The following EPHB1 variants were observed in gnomAD, a reference collection of about 807,000 sequenced individuals.
The protein encoded by EPHB1 is ephrin type-B receptor 1.
Under a neutral mutation model 94.4 loss-of-function variants are expected in EPHB1, and 30 were observed. The ratio of observed to expected loss-of-function variants is 0.32; its 90% CI spans 0.24 to 0.43. The LOEUF (loss-of-function observed/expected upper bound fraction) is 0.43, where lower values mean the gene tolerates loss of function less well. Among genes scored for constraint, EPHB1 ranks in the 20% least tolerant of loss-of-function variants. The probability of loss-of-function intolerance (pLI) is 1.00; values close to 1 mark genes in which losing one functional copy is unlikely to be tolerated. For missense variants in EPHB1, 1,055 were observed against 1,308.3 expected (o/e 0.81, Z 2.99); for synonymous variants, 522 against 489.1 (o/e 1.07, Z -0.89).
intron 5 of EPHB1, among the ~76,000 whole-genome samples, chr3:135,133,943 A>T (rs1261142912): frequency 6.6e-6 from 1 of 152,246 alleles, no homozygotes; most frequent in African/African-American, 2.4e-5. Flanking sequence ...GGATGCAGTG[A>T]TACTTGGACA....
At chr3:135,051,093 A>T (rs1937156799) in intron 3 of EPHB1, among the ~76,000 whole-genome samples, 1 of 152,200 alleles carries the variant, frequency 6.6e-6, no homozygotes, top group Admixed American at 6.5e-5. Context: ...TCCTTATGGC[A>T]ACACAAGCAA....
chr3:134,936,379 A>G (rs1195736957), intron 2 of EPHB1, among the ~76,000 whole-genome samples: 1 of 152,170 alleles, frequency 6.6e-6, no homozygotes, highest in South Asian at 2.1e-4. Context: ...CCTCAAGAGA[A>G]TACAGGTGGT....
At chr3:134,839,279 T>C (rs530680496) in intron 1 of EPHB1, among the ~76,000 whole-genome samples, 1 of 152,256 alleles carries the variant, frequency 6.6e-6, no homozygotes, top group South Asian at 2.1e-4. Flanking sequence ...AGCAGACACA[T>C]CCCTGCCCCT....
At chr3:134,871,728 G>A (rs1211713517) in intron 1 of EPHB1, among the ~76,000 whole-genome samples, 2 of 152,110 alleles carry the variant, frequency 1.3e-5, no homozygotes, top group Non-Finnish European at 2.9e-5. Flanking sequence ...CTGCAAACAC[G>A]TAGCACCCCT....
chr3:134,815,324 A>C (rs1432278304), intron 1 of EPHB1, among the ~76,000 whole-genome samples: 1 of 152,194 alleles, frequency 6.6e-6, no homozygotes, highest in Non-Finnish European at 1.5e-5. Context: ...GCCATGATGT[A>C]TGCTACCTGC....
intron 3 of EPHB1, among the ~76,000 whole-genome samples, chr3:135,075,643 G>A (rs941047191): frequency 1.3e-5 from 2 of 152,142 alleles, no homozygotes; most frequent in Non-Finnish European, 2.9e-5. Context: ...GGCTTATATG[G>A]CATCATCCAC....
chr3:135,052,402 G>GA (rs1000827378), intron 3 of EPHB1, among the ~76,000 whole-genome samples: 4 of 152,086 alleles, frequency 2.6e-5, no homozygotes, highest in Non-Finnish European at 4.4e-5. Context: ...GCTGGTTAGA[G>GA]AAAGAGAAAA....
rs372305480 is a variant in EPHB1, at chr3:135,041,903, G to A, written c.806-64545G>A. On this transcript the variant is annotated intron_variant, in intron 3 of 15. Transcript: ENST00000398015. The stretch of plus-strand genomic sequence containing the variant: ...CACACATGAGAGAGAGAGAGACAGA[G>A]AGCACACAAAAGAGGGGATTGAACT... 2.0e-5 allele frequency among the ~76,000 whole-genome samples: 3 copies of A among 152,136 alleles called. No homozygotes were observed. The South Asian group carries it at 6.2e-4, about 32-fold the overall frequency.
chr3:135,087,677 A>G (rs1473267707), intron 3 of EPHB1, among the ~76,000 whole-genome samples: 5 of 152,162 alleles, frequency 3.3e-5, no homozygotes, highest in Admixed American at 2.0e-4. Flanking sequence ...TTATTATTGT[A>G]GTAATTGTTA....
Position 135,045,171 on chromosome 3 carries a change from A to G in EPHB1, c.806-61277A>G, listed in dbSNP as rs539848467. On this transcript the variant is annotated intron_variant, in intron 3 of 15. Coordinates refer to ENST00000398015, the MANE Select transcript of EPHB1 (RefSeq NM_004441.5). The stretch of plus-strand genomic sequence containing the variant: ...TTGTGTGGATGGTGTGAAAGCATTG[A>G]TGGGTAAAGCTTTGTTCTGTCTGGC... Among the ~76,000 whole-genome samples the G allele has an allele frequency of 2.0e-5, 3 of 152,294 alleles. No homozygotes were observed. The East Asian group carries it at 5.8e-4, about 29-fold the overall frequency.
chr3:135,096,163 T>C (rs188986214), intron 3 of EPHB1, among the ~76,000 whole-genome samples: 9 of 152,246 alleles, frequency 5.9e-5, no homozygotes, highest in Non-Finnish European at 1.2e-4. Context: ...TTGAGGATAT[T>C]TATTGAGGAG....
chr3:134,926,012 GC>G, intron 2 of EPHB1, 132 bp downstream of exon 2: 1 of 719,850 alleles, frequency 1.4e-6, no homozygotes, highest in Non-Finnish European at 2.2e-6. Flanking sequence ...TGTGTCCACT[GC>G]CCATCCATGC....
chr3:135,116,607 A>T (rs1378040800), intron 4 of EPHB1, among the ~76,000 whole-genome samples: 1 of 152,156 alleles, frequency 6.6e-6, no homozygotes, highest in African/African-American at 2.4e-5. Flanking sequence ...TGGAACCTGT[A>T]TTGATCCACT....
intron 1 of EPHB1, among the ~76,000 whole-genome samples, chr3:134,808,362 G>C (rs1051057417): frequency 2.0e-5 from 3 of 152,140 alleles, no homozygotes; most frequent in Admixed American, 6.5e-5. Flanking sequence ...GCCAGGCTTG[G>C]GTCATGTGTC....
At chr3:134,836,861 T>G (rs1190884796) in intron 1 of EPHB1, among the ~76,000 whole-genome samples, 6 of 152,224 alleles carry the variant, frequency 3.9e-5, no homozygotes, top group Admixed American at 3.9e-4. Flanking sequence ...TTTAATTCCC[T>G]AGTGATTAAT....
At chr3:134,840,941 T>C (rs2036764515) in intron 1 of EPHB1, among the ~76,000 whole-genome samples, 1 of 152,172 alleles carries the variant, frequency 6.6e-6, no homozygotes, top group Non-Finnish European at 1.5e-5. Flanking sequence ...TTAACAGCAG[T>C]CTCCAGCCGG....
chr3:135,066,615 T>C (rs1220210054), intron 3 of EPHB1, among the ~76,000 whole-genome samples: 1 of 152,232 alleles, frequency 6.6e-6, no homozygotes, highest in Non-Finnish European at 1.5e-5. Context: ...TATCATTTTT[T>C]GGATTTCCTT....
At chr3:135,150,575 G>A (rs1261643521) in intron 5 of EPHB1, among the ~76,000 whole-genome samples, 2 of 152,176 alleles carry the variant, frequency 1.3e-5, no homozygotes, top group African/African-American at 4.8e-5. Flanking sequence ...AGCATTTAAC[G>A]TATTCTGTCC....
intron 1 of EPHB1, among the ~76,000 whole-genome samples, chr3:134,921,883 C>G (rs972265971): frequency 2.6e-5 from 4 of 152,134 alleles, no homozygotes; most frequent in Non-Finnish European, 4.4e-5. Context: ...TGGAGAGAGA[C>G]AGAGGGAGGG....
Sources: gnomAD v4.1 joint callset for allele counts (sites outside exome capture counted in the v4.1 genomes callset) on GRCh38, gnomAD v4.1.1 for gene constraint, MANE v1.5 for transcripts, NCBI Gene and HGNC (gene_info 2026-07-23, HGNC 2026-07-21) for gene names.